CDH13: variants seen among roughly 807,000 people sequenced by gnomAD.
CDH13 encodes cadherin-13.
Under a neutral mutation model 63.8 loss-of-function variants are expected in CDH13, and 24 were observed. The ratio of observed to expected loss-of-function variants is 0.38; its 90% CI spans 0.27 to 0.53. The LOEUF (loss-of-function observed/expected upper bound fraction) is 0.53. CDH13 is among the 20% of genes least tolerant of loss of function. The pLI is 0.85. For missense variants in CDH13, 1,049 were observed against 903.1 expected (o/e 1.16, Z -2.07); for synonymous variants, 503 against 355.3 (o/e 1.42, Z -4.67).
chr16:83,330,613 G>T (rs2090459741), intron 5 of CDH13, among the ~76,000 whole-genome samples: 1 of 152,192 alleles, frequency 6.6e-6, no homozygotes, highest in Non-Finnish European at 1.5e-5. Flanking sequence ...ATAGGGAAAT[G>T]GCAGGGAATG....
At position 83,239,468 on chromosome 16, in the gene CDH13, G is replaced by A. The variant is rs542454521; in HGVS notation, c.636+21971G>A. 4.6e-5 allele frequency among the ~76,000 whole-genome samples: 7 copies of A among 152,282 alleles called. No individual in the cohort carries two copies. The South Asian group carries it at 1.5e-3, about 32-fold the overall frequency. ...ACTGTCTTTAACACCATGACACCAG[G>A]AGGGTCTTACTTCGCCAGCCACCAA... On this transcript the variant is annotated intron_variant, in intron 5 of 13. Transcript: ENST00000567109.
chr16:82,646,256 C>G (rs1271117060), intron 1 of CDH13: 2 of 152,272 alleles, frequency 1.3e-5, no homozygotes, highest in African/African-American at 2.4e-5. Flanking sequence ...GTGGCGTGAT[C>G]TCGGCTCACT....
At chr16:83,428,369 GA>G (rs1597997033) in intron 6 of CDH13, among the ~76,000 whole-genome samples, 1 of 135,490 alleles carries the variant, frequency 7.4e-6, no homozygotes, top group East Asian at 2.6e-4. Context: ...TCCATGGTTA[GA>G]TTTTTTTTTT....
At chr16:82,731,543 G>A (rs2151036467) in intron 1 of CDH13, among the ~76,000 whole-genome samples, 1 of 152,306 alleles carries the variant, frequency 6.6e-6, no homozygotes, top group African/African-American at 2.4e-5. Context: ...AGCTGCTCAA[G>A]ACATTGACAA....
intron 5 of CDH13, among the ~76,000 whole-genome samples, chr16:83,252,065 T>G (rs1016030144): frequency 6.9e-5 from 10 of 144,642 alleles, no homozygotes; most frequent in Non-Finnish European, 9.0e-5. Flanking sequence ...TTTAAATAAA[T>G]ATATATATAT....
intron 7 of CDH13, among the ~76,000 whole-genome samples, chr16:83,525,090 T>G (rs7191600): frequency 0.92 from 139,815 of 152,194 alleles, 65,107 homozygotes; most frequent in Non-Finnish European, 1. Flanking sequence ...AATTTACTTG[T>G]AATGAAAACC....
chr16:83,412,875 T>C (rs915180357), intron 6 of CDH13, among the ~76,000 whole-genome samples: 39 of 152,308 alleles, frequency 2.6e-4, no homozygotes, highest in African/African-American at 8.7e-4. Context: ...ACAGTGTAAA[T>C]TCTCAAAAGG....
intron 9 of CDH13, among the ~76,000 whole-genome samples, chr16:83,674,004 A>G (rs1914741205): frequency 6.6e-6 from 1 of 152,164 alleles, no homozygotes; most frequent in South Asian, 2.1e-4. Context: ...CCAGGTCAGT[A>G]GGAAGGGCCT....
intron 1 of CDH13, among the ~76,000 whole-genome samples, chr16:82,731,247 C>A (rs895135992): frequency 6.6e-6 from 1 of 152,104 alleles, no homozygotes; most frequent in Non-Finnish European, 1.5e-5. Flanking sequence ...CCCTCTGTTG[C>A]AATTACTCAA....
chr16:82,642,231 G>T lies in CDH13; in HGVS notation c.45+15094G>T, dbSNP rs1448240229. Among the ~76,000 whole-genome samples the T allele has an allele frequency of 2.6e-5, 4 of 151,778 alleles. No individual in the cohort carries two copies. The South Asian group carries it at 6.2e-4, about 24-fold the overall frequency. On this transcript the variant is annotated intron_variant, in intron 1 of 13. Transcript: ENST00000567109. ...GGAATATTTCTGAATTACTATTGTT[G>T]TTGACACACAATAGAGTTGCATTTA...
At chr16:83,325,117 A>G (rs540340870) in intron 5 of CDH13, among the ~76,000 whole-genome samples, 13 of 152,292 alleles carry the variant, frequency 8.5e-5, no homozygotes, top group Non-Finnish European at 1.3e-4. Context: ...TCGTTATTAT[A>G]TTCTTCCATG....
At chr16:83,078,621 G>A (rs1264348432) in intron 3 of CDH13, among the ~76,000 whole-genome samples, 2 of 152,128 alleles carry the variant, frequency 1.3e-5, no homozygotes, top group Non-Finnish European at 1.5e-5. Flanking sequence ...CGAGGAGTTG[G>A]GGACCCCTGC....
chr16:83,381,763 T>G (rs2091571810), intron 6 of CDH13, among the ~76,000 whole-genome samples: 1 of 152,034 alleles, frequency 6.6e-6, no homozygotes, highest in African/African-American at 2.4e-5. Flanking sequence ...CTTCCTTCCT[T>G]TACTAGATCC....
intron 4 of CDH13, among the ~76,000 whole-genome samples, chr16:83,140,618 C>G (rs1310238725): frequency 3.3e-5 from 5 of 152,096 alleles, no homozygotes; most frequent in African/African-American, 1.2e-4. Flanking sequence ...CATGCCCTGG[C>G]TAATTTTTGT....
intron 3 of CDH13, among the ~76,000 whole-genome samples, chr16:83,106,636 G>A (rs757299949): frequency 8.5e-5 from 13 of 152,162 alleles, no homozygotes; most frequent in Non-Finnish European, 8.8e-5. Context: ...GTATTGTGCC[G>A]CAACTAAAAT....
At chr16:83,512,694 AATAAT>A (rs2151606636) in intron 7 of CDH13, among the ~76,000 whole-genome samples, 1 of 151,052 alleles carries the variant, frequency 6.6e-6, no homozygotes, top group South Asian at 2.1e-4. Flanking sequence ...ATATAATAAT[AATAAT>A]AGTAATAAAG....
intron 10 of CDH13, among the ~76,000 whole-genome samples, chr16:83,724,130 A>C (rs1910055681): frequency 1.4e-5 from 2 of 145,588 alleles, no homozygotes; most frequent in African/African-American, 5.5e-5. Flanking sequence ...TGATGAATGC[A>C]TGGGTGGGTG....
chr16:83,546,273 T>C (rs1323987975), intron 7 of CDH13, among the ~76,000 whole-genome samples: 1 of 152,152 alleles, frequency 6.6e-6, no homozygotes. Context: ...GGTGGCACTC[T>C]TGGCATCCCC....
In CDH13 at chr16:82,832,013, C is replaced by T. The variant is rs575584488; in HGVS notation, c.46-26349C>T. ...CAACGCTTGGAAGCCAAAGCAAAGTCCCGCATATGATAAATTAATTAGAAT... is the reference window on the plus strand; with the variant it reads ...CAACGCTTGGAAGCCAAAGCAAAGTTCCGCATATGATAAATTAATTAGAAT... On this transcript the variant is annotated intron_variant, in intron 1 of 13. Transcript: ENST00000567109. 3.9e-5 allele frequency among the ~76,000 whole-genome samples: 6 copies of T among 152,292 alleles called. No individual in the cohort carries two copies. In the South Asian group the frequency reaches 1.0e-3, roughly 26 times the overall value.
Sources: gnomAD v4.1 joint callset for allele counts (sites outside exome capture counted in the v4.1 genomes callset) on GRCh38, gnomAD v4.1.1 for gene constraint, MANE v1.5 for transcripts, NCBI Gene and HGNC (gene_info 2026-07-23, HGNC 2026-07-21) for gene names.